TTC28: variants seen among roughly 807,000 people sequenced by gnomAD.
TTC28 encodes tetratricopeptide repeat protein 28.
TTC28 carries 61 observed loss-of-function variants against 198.0 expected under a neutral mutation model. The observed-to-expected ratio is 0.31, with a 90% CI of 0.25 to 0.38. TTC28 has a LOEUF of 0.38. TTC28 is among the 10% of genes least tolerant of loss of function. The pLI, the probability that TTC28 is intolerant of heterozygous loss-of-function variation, is 1.00. For synonymous variants in TTC28, 1,171 were observed against 1,297.8 expected, an observed-to-expected ratio of 0.90 and a Z score of 2.10; for missense variants, 2,678 against 3,164.0, an observed-to-expected ratio of 0.85 and a Z score of 3.69.
chr22:28,463,563 C>A (rs1412465042), intron 2 of TTC28, among the ~76,000 whole-genome samples: 2 of 152,154 alleles, frequency 1.3e-5, no homozygotes, highest in African/African-American at 2.4e-5. Context: ...CATATATACA[C>A]CATGGAATAC....
At chr22:28,265,522 G>A (rs1006930426) in intron 5 of TTC28, among the ~76,000 whole-genome samples, 11 of 152,118 alleles carry the variant, frequency 7.2e-5, no homozygotes, top group Admixed American at 1.3e-4. Flanking sequence ...GATATTGCAC[G>A]TACCGCATGG....
intron 2 of TTC28, among the ~76,000 whole-genome samples, chr22:28,340,988 T>C (rs2045819502): frequency 6.6e-6 from 1 of 152,204 alleles, no homozygotes; most frequent in East Asian, 1.9e-4. Context: ...TTAAACTAGA[T>C]GACTAGGAAG....
intron 2 of TTC28, among the ~76,000 whole-genome samples, chr22:28,398,835 T>A (rs1187117031): frequency 6.6e-6 from 1 of 152,184 alleles, no homozygotes; most frequent in Admixed American, 6.5e-5. Flanking sequence ...ACCTATCAAG[T>A]GAGTATTGCC....
intron 5 of TTC28, among the ~76,000 whole-genome samples, chr22:28,227,883 T>A (rs1004593985): frequency 1.3e-5 from 2 of 152,114 alleles, no homozygotes; most frequent in Admixed American, 1.3e-4. Context: ...CCCAAAAGAA[T>A]TGAAAGCAGG....
At chr22:28,263,744 G>A (rs963410249) in intron 5 of TTC28, among the ~76,000 whole-genome samples, 2 of 152,126 alleles carry the variant, frequency 1.3e-5, no homozygotes, top group African/African-American at 4.8e-5. Flanking sequence ...AGGCTGACCA[G>A]AGAGGATAAG....
rs562988377 is a variant in TTC28 at position 28,568,911 on chromosome 22, C to T, written c.381+60641G>A. Among the ~76,000 whole-genome samples the T allele has an allele frequency of 3.3e-5, 5 of 152,150 alleles. No homozygotes were observed. In the South Asian group the frequency reaches 8.3e-4, roughly 25 times the overall value. The stretch of plus-strand genomic sequence containing the variant: ...CCTGTAATCCCAGCACTTTGGGAGG[C>T]CAAGGCAAGCAGATCACCTGAGGTC... On this transcript the variant is annotated intron_variant, in intron 2 of 22. Coordinates refer to ENST00000397906, the MANE Select transcript of TTC28 (RefSeq NM_001145418.2).
intron 5 of TTC28, among the ~76,000 whole-genome samples, chr22:28,196,502 C>A (rs1371895694): frequency 2.6e-5 from 4 of 151,912 alleles, no homozygotes; most frequent in Admixed American, 2.0e-4. Flanking sequence ...TGAACAGGCA[C>A]CCTACAGAAT....
At chr22:28,452,256 G>A (rs2047790563) in intron 2 of TTC28, among the ~76,000 whole-genome samples, 1 of 151,926 alleles carries the variant, frequency 6.6e-6, no homozygotes, top group African/African-American at 2.4e-5. Context: ...TGGGCATGGT[G>A]GCATGCACCT....
intron 2 of TTC28, among the ~76,000 whole-genome samples, chr22:28,354,691 A>G: frequency 6.6e-6 from 1 of 152,194 alleles, no homozygotes; most frequent in East Asian, 1.9e-4. Flanking sequence ...TGCATATTTT[A>G]CCACAATAAA....
At chr22:28,470,237 G>A (rs695294) in intron 2 of TTC28, among the ~76,000 whole-genome samples, 1,604 of 152,306 alleles carry the variant, frequency 0.011, 35 homozygotes, top group East Asian at 0.082. Context: ...TAGAGACAAT[G>A]TGGCCTTAAA....
At chr22:28,014,718 G>A (rs951584784) in intron 13 of TTC28, among the ~76,000 whole-genome samples, 9 of 152,194 alleles carry the variant, frequency 5.9e-5, no homozygotes, top group East Asian at 3.8e-4. Context: ...GCAGGCAAAC[G>A]TGAGGACCAT....
chr22:28,339,043 TG>T (rs2045782907), intron 2 of TTC28, among the ~76,000 whole-genome samples: 1 of 152,170 alleles, frequency 6.6e-6, no homozygotes, highest in East Asian at 1.9e-4. Context: ...GATGTACAGA[TG>T]GGGTTTTGGT....
chr22:28,258,382 A>G (rs1192448778), intron 5 of TTC28, among the ~76,000 whole-genome samples: 2 of 152,182 alleles, frequency 1.3e-5, no homozygotes, highest in African/African-American at 2.4e-5. Context: ...TTTTGGGCAC[A>G]CCAATAATTT....
chr22:28,035,431 A>T (rs1032585876), intron 12 of TTC28, among the ~76,000 whole-genome samples: 3 of 152,230 alleles, frequency 2.0e-5, no homozygotes, highest in African/African-American at 7.2e-5. Flanking sequence ...AGCAAGCGTT[A>T]GTGAATTTGC....
chr22:28,134,470 G>C (rs540107069), intron 6 of TTC28, among the ~76,000 whole-genome samples: 18 of 152,298 alleles, frequency 1.2e-4, no homozygotes, highest in African/African-American at 4.1e-4. Flanking sequence ...AAAAAGATTA[G>C]ACGAATGGCT....
rs1941903333 is a variant in TTC28 at position 28,094,211 on chromosome 22, C to A, written c.3801G>T (p.Glu1267Asp). The change falls in exon 12 of 23, where the codon GAG becomes GAT. Residue 1267 changes from glutamate to aspartate, a missense_variant. Coordinates refer to ENST00000397906, the MANE Select transcript of TTC28 (RefSeq NM_001145418.2). ...AGTCACTTGAGTTTTCCACTGTGTTCTCACCCAGGTAGTGTTCATGAAACT... is the reference window on the plus strand; with the variant it reads ...AGTCACTTGAGTTTTCCACTGTGTTATCACCCAGGTAGTGTTCATGAAACT... ...IVKFHEHYLG[E>D]NTVENSSDFQ... 6.4e-7 allele frequency: 1 copy of A among 1,550,700 alleles called. No individual in the cohort carries two copies. The highest frequency in any genetic ancestry group is 8.7e-7 in the Non-Finnish European group (1 of 1,146,706).
chr22:28,371,950 G>A (rs1443980539), intron 2 of TTC28, among the ~76,000 whole-genome samples: 3 of 151,246 alleles, frequency 2.0e-5, no homozygotes, highest in Admixed American at 1.3e-4. Context: ...TTAGCCAGAC[G>A]TGGTGGTGTG....
At chr22:28,493,334 C>T (rs551244223) in intron 2 of TTC28, among the ~76,000 whole-genome samples, 6 of 151,868 alleles carry the variant, frequency 4.0e-5, no homozygotes, top group Non-Finnish European at 8.8e-5. Flanking sequence ...CCAGCCTGGG[C>T]GACAGAGCGA....
chr22:28,022,188 C>A (rs2146606290), intron 13 of TTC28, among the ~76,000 whole-genome samples: 1 of 152,336 alleles, frequency 6.6e-6, no homozygotes, highest in Non-Finnish European at 1.5e-5. Flanking sequence ...AGGCCCTGAA[C>A]CCTCATCTGC....
Sources: gnomAD v4.1 joint callset for allele counts (sites outside exome capture counted in the v4.1 genomes callset) on GRCh38, gnomAD v4.1.1 for gene constraint, MANE v1.5 for transcripts, NCBI Gene and HGNC (gene_info 2026-07-23, HGNC 2026-07-21) for gene names.